AK9: variants seen among roughly 807,000 people sequenced by gnomAD.
AK9 encodes the protein adenylate kinase 9.
In AK9, 191 loss-of-function variants were observed where a neutral mutation model predicts 239.6. The observed-to-expected ratio is 0.80, with a 90% CI of 0.71 to 0.90. The LOEUF (loss-of-function observed/expected upper bound fraction) is 0.90. Among genes scored for constraint, AK9 ranks in the 40% least tolerant of loss-of-function variants. AK9 has a pLI of 0.00. For synonymous variants in AK9, 689 were observed against 721.0 expected (o/e 0.96, Z 0.71); for missense variants, 1,995 against 2,214.7 (o/e 0.90, Z 1.99).
chr6:109,502,725 A>C (rs1336231007), intron 35 of AK9, among the ~76,000 whole-genome samples: 1 of 152,244 alleles, frequency 6.6e-6, no homozygotes, highest in East Asian at 1.9e-4. Flanking sequence ...TCACATGGCA[A>C]GGAACTGAGG....
At chr6:109,663,788 G>A (rs1176189055) in intron 5 of AK9, among the ~76,000 whole-genome samples, 1 of 152,178 alleles carries the variant, frequency 6.6e-6, no homozygotes, top group Non-Finnish European at 1.5e-5. Context: ...AAAGTTCACT[G>A]ATACAGTTTC....
chr6:109,675,742 T>C lies in AK9; in HGVS notation c.4A>G (p.Thr2Ala). The C allele has an allele frequency of 6.4e-7, 1 of 1,555,612 alleles. No homozygotes were observed. The highest frequency in any genetic ancestry group is 8.7e-7 in the Non-Finnish European group (1 of 1,144,270). Residue 2 changes from threonine (T) to alanine (A), a missense_variant, in exon 2 of 41, where the codon ACT (threonine) becomes GCT (alanine). By Grantham distance (58) the Thr-to-Ala change is moderately conservative. Around this residue, in one of 5 missense-constraint regions of AK9, gnomAD observed 252 missense variants for 246.4 expected, o/e 1.02. Transcript: ENST00000424296. The part of the protein sequence containing the change: M[T>A]SQEKTEEYPF... ...TACTCTTCTGTCTTCTCTTGAGAAG[T>C]CATGACACAAAATACTACAATAAAA...
At chr6:109,586,834 A>G (rs1290543645) in intron 17 of AK9, among the ~76,000 whole-genome samples, 1 of 152,210 alleles carries the variant, frequency 6.6e-6, no homozygotes, top group Non-Finnish European at 1.5e-5. Flanking sequence ...ATGTGTATCT[A>G]TGAAAACACC....
At position 109,534,838 on chromosome 6, in the gene AK9, G is replaced by C. The variant is rs568716444; in HGVS notation, c.3351-1368C>G. Among the ~76,000 whole-genome samples the C allele has an allele frequency of 4.0e-5, 6 of 151,706 alleles. No homozygotes were observed. The East Asian group carries it at 1.2e-3, about 30-fold the overall frequency. On this transcript the variant is annotated intron_variant, in intron 27 of 40. Coordinates refer to ENST00000424296, the MANE Select transcript of AK9 (RefSeq NM_001145128.3). ...TTCTCATTGTTCAATTCCCACCTAT[G>C]AGTGAGAATATGCGGTGTTTGGTTT... is the stretch of plus-strand genomic sequence containing the variant.
intron 29 of AK9, among the ~76,000 whole-genome samples, chr6:109,519,807 G>A (rs1422240429): frequency 6.9e-6 from 1 of 144,858 alleles, no homozygotes; most frequent in Non-Finnish European, 1.5e-5. Flanking sequence ...TCTGACTGGT[G>A]TGAGATGGTA....
At position 109,513,287 on chromosome 6, in the gene AK9, TG is replaced by T. The variant is rs1562334519; in HGVS notation, c.4279+936del. Among the ~76,000 whole-genome samples the T allele has an allele frequency of 3.3e-5, 5 of 152,312 alleles. No homozygotes were observed. In the South Asian group the frequency reaches 8.3e-4, roughly 25 times the overall value. On this transcript the variant is annotated intron_variant, in intron 32 of 40. Coordinates refer to ENST00000424296, the MANE Select transcript of AK9 (RefSeq NM_001145128.3). ...TGGTTAGGTTTTGATATTAGGGTCATGTTAATTAAAAAATGGATTTGTATCC... is the reference window on the plus strand; with the variant it reads ...TGGTTAGGTTTTGATATTAGGGTCATTTAATTAAAAAATGGATTTGTATCC...
chr6:109,573,865 C>T (rs1043348057), intron 20 of AK9, among the ~76,000 whole-genome samples: 6 of 152,064 alleles, frequency 3.9e-5, no homozygotes, highest in African/African-American at 1.4e-4. Context: ...TTCCAAACAT[C>T]CTTACAGTAA....
intron 27 of AK9, among the ~76,000 whole-genome samples, chr6:109,535,537 T>A (rs1340617054): frequency 3.3e-5 from 5 of 152,216 alleles, no homozygotes; most frequent in Non-Finnish European, 7.3e-5. Context: ...TTGGAAAAAT[T>A]TTCTCCCATT....
chr6:109,497,939 G>A lies in AK9; in HGVS notation c.5073C>T (p.Tyr1691=), dbSNP rs768543401. 9.9e-6 allele frequency: 16 copies of A among 1,614,044 alleles called. No individual in the cohort carries two copies. The highest frequency in any genetic ancestry group is 6.7e-5 in the Admixed American group (4 of 60,010). ...LNKFLENPEL[Y]VPPLAPHPLP... Reference sequence around the variant, plus strand: ...GTGGATGAGGTGCTAAGGGAGGCACGTACAATTCTGGGTTCTCCAAGAATT... The same window carrying A: ...GTGGATGAGGTGCTAAGGGAGGCACATACAATTCTGGGTTCTCCAAGAATT... Residue 1691 remains tyrosine, a synonymous_variant, in exon 37 of 41, where the codon TAC becomes TAT. Transcript: ENST00000424296.
chr6:109,666,262 T>C (rs1177914272), intron 5 of AK9, among the ~76,000 whole-genome samples: 4 of 152,208 alleles, frequency 2.6e-5, no homozygotes, highest in African/African-American at 4.8e-5. Context: ...TGGAATAGAT[T>C]AGTCCTCTAG....
At chr6:109,653,099 G>C (rs905362635) in intron 8 of AK9, among the ~76,000 whole-genome samples, 2 of 152,014 alleles carry the variant, frequency 1.3e-5, no homozygotes, top group Non-Finnish European at 1.5e-5. Flanking sequence ...GCTGATTTTT[G>C]TATTTTTAGT....
chr6:109,564,305 G>GA, intron 22 of AK9, 25 bp from the exon 23 acceptor site: 2 of 1,497,146 alleles, frequency 1.3e-6, no homozygotes, highest in Non-Finnish European at 1.8e-6. Context: ...ACAAAGGAAA[G>GA]AAAAAAGGGG....
chr6:109,682,902 G>A (rs1185453335), intron 1 of AK9, among the ~76,000 whole-genome samples: 2 of 152,154 alleles, frequency 1.3e-5, no homozygotes, highest in Non-Finnish European at 2.9e-5. Flanking sequence ...ATTTTATGAA[G>A]CCAGCATCAT....
At chr6:109,654,149 C>T (rs1799357637) in intron 8 of AK9, among the ~76,000 whole-genome samples, 1 of 152,070 alleles carries the variant, frequency 6.6e-6, no homozygotes, top group Non-Finnish European at 1.5e-5. Flanking sequence ...AATGAACATT[C>T]TCCTTATTGC....
At chr6:109,496,665 T>C (rs1000105082) in intron 38 of AK9, among the ~76,000 whole-genome samples, 4 of 152,138 alleles carry the variant, frequency 2.6e-5, no homozygotes, top group African/African-American at 9.7e-5. Flanking sequence ...TTGTAAGCTC[T>C]TCTGACATTC....
At chr6:109,637,519 A>T (rs1796872707) in intron 10 of AK9, among the ~76,000 whole-genome samples, 2 of 152,114 alleles carry the variant, frequency 1.3e-5, no homozygotes, top group African/African-American at 4.8e-5. Flanking sequence ...GATAGTGCTG[A>T]TGCAGAAAAG....
chr6:109,653,085 C>A (rs1162523752), intron 8 of AK9, among the ~76,000 whole-genome samples: 1 of 152,114 alleles, frequency 6.6e-6, no homozygotes, highest in African/African-American at 2.4e-5. Context: ...TGCCACCATG[C>A]CTGGCTGATT....
chr6:109,517,844 C>T (rs965813636), intron 29 of AK9, among the ~76,000 whole-genome samples: 4 of 152,030 alleles, frequency 2.6e-5, no homozygotes, highest in African/African-American at 9.7e-5. Context: ...CAAAACTGAA[C>T]CCTATAATAA....
chr6:109,546,095 G>A lies in AK9; in HGVS notation c.2997C>T (p.Pro999=). The A allele has an allele frequency of 1.2e-6, 2 of 1,609,564 alleles. No individual in the cohort carries two copies. Among genetic ancestry groups the A allele is most frequent in the Non-Finnish European group, 1.7e-6 (2 of 1,177,810 alleles). ...CACACATAGTTTTGCCAGAGCCCTG[G>A]GGGCCGACAAGGCATATTCTTAATG... The part of the protein sequence containing the change: ...APPLRICLVG[P]QGSGKTMCGR... Residue 999 remains proline, a synonymous_variant, in exon 26 of 41, where the codon CCC becomes CCT. Transcript: ENST00000424296.
Sources: gnomAD v4.1 joint callset for allele counts (sites outside exome capture counted in the v4.1 genomes callset) on GRCh38, gnomAD v4.1.1 for gene constraint, gnomAD v4.1.1 regional missense constraint, MANE v1.5 for transcripts, NCBI Gene and HGNC (gene_info 2026-07-23, HGNC 2026-07-21) for gene names.